The following MEGF9 variants were observed in gnomAD, a reference collection of about 807,000 sequenced individuals.
The protein encoded by MEGF9 is multiple EGF like domains 9.
A neutral mutation model predicts 46.8 loss-of-function variants in MEGF9; 6 were observed. The ratio of observed to expected loss-of-function variants is 0.13; its 90% CI spans 0.07 to 0.25. The LOEUF (loss-of-function observed/expected upper bound fraction) is 0.25. MEGF9 is among the 10% of genes least tolerant of loss of function. The pLI is 1.00. For missense variants in MEGF9, 683 were observed against 792.4 expected, an observed-to-expected ratio of 0.86 and a Z score of 1.66; for synonymous variants, 302 against 330.7, an observed-to-expected ratio of 0.91 and a Z score of 0.94.
At chr9:120,660,204 T>A (rs1446211942) in intron 1 of MEGF9, among the ~76,000 whole-genome samples, 2 of 152,150 alleles carry the variant, frequency 1.3e-5, no homozygotes, top group Non-Finnish European at 2.9e-5. Context: ...TTCTTTGTTG[T>A]TTGTTTGTTG....
At position 120,714,457 on chromosome 9, in the gene MEGF9, C is replaced by G. The variant is rs913807683; in HGVS notation, c.-99G>C. ...CCGCCACCGCCACCGGGCGCACCATCGCCACCTCCCTCTGACAGGCGGCCG... is the reference window on the plus strand; with the variant it reads ...CCGCCACCGCCACCGGGCGCACCATGGCCACCTCCCTCTGACAGGCGGCCG... On this transcript the variant is annotated 5_prime_UTR_variant, in exon 1 of 6. Transcript: ENST00000373930. The G allele has an allele frequency of 4.7e-5, 50 of 1,053,386 alleles. No individual in the cohort carries two copies. The highest frequency in any genetic ancestry group is 5.8e-5 in the Non-Finnish European group (48 of 830,534). 65.3% of individuals were successfully genotyped at this position (1,053,386 alleles called of 1,614,324 possible).
intron 2 of MEGF9, among the ~76,000 whole-genome samples, chr9:120,643,623 T>C (rs573144022): frequency 3.3e-5 from 5 of 152,304 alleles, no homozygotes; most frequent in Admixed American, 2.6e-4. Flanking sequence ...TTTGAAATAA[T>C]ATTAGATTTA....
At chr9:120,620,738 C>G (rs990890927) in intron 3 of MEGF9, among the ~76,000 whole-genome samples, 3 of 151,826 alleles carry the variant, frequency 2.0e-5, no homozygotes, top group Non-Finnish European at 4.4e-5. Flanking sequence ...AACCCTGGGA[C>G]CAGGGAACAT....
intron 1 of MEGF9, among the ~76,000 whole-genome samples, chr9:120,662,902 A>C (rs186262601): frequency 6.6e-6 from 1 of 152,366 alleles, no homozygotes; most frequent in Admixed American, 6.5e-5. Context: ...TAGGTAGAGA[A>C]TAAGACGATA....
At chr9:120,648,616 A>G (rs2043635555) in intron 2 of MEGF9, among the ~76,000 whole-genome samples, 1 of 152,192 alleles carries the variant, frequency 6.6e-6, no homozygotes, top group African/African-American at 2.4e-5. Flanking sequence ...ATCTTTTGAC[A>G]TATGGTTGGC....
At chr9:120,659,789 G>C (rs1279726726) in intron 1 of MEGF9, among the ~76,000 whole-genome samples, 1 of 32,796 alleles carries the variant, frequency 3.0e-5, no homozygotes, top group Non-Finnish European at 6.1e-5. Context: ...GTGTGTGACA[G>C]TGTGTGTGTG....
chr9:120,689,635 C>T (rs2043839437), intron 1 of MEGF9, among the ~76,000 whole-genome samples: 1 of 152,114 alleles, frequency 6.6e-6, no homozygotes, highest in African/African-American at 2.4e-5. Flanking sequence ...TTATCATTAC[C>T]TGTGCACCAG....
At chr9:120,693,294 AGAAGAAGAAG>A (rs780677542) in intron 1 of MEGF9, among the ~76,000 whole-genome samples, 1 of 89,622 alleles carries the variant, frequency 1.1e-5, no homozygotes, top group East Asian at 3.2e-4. Flanking sequence ...AAAAAAAAAA[AGAAGAAGAAG>A]AAGAAGAAGA....
At chr9:120,690,723 T>C (rs539774160) in intron 1 of MEGF9, among the ~76,000 whole-genome samples, 1 of 152,234 alleles carries the variant, frequency 6.6e-6, no homozygotes, top group South Asian at 2.1e-4. Context: ...GTTTTCATAG[T>C]TGCAACTGAC....
At chr9:120,700,613 T>C (rs1187785737) in intron 1 of MEGF9, among the ~76,000 whole-genome samples, 1 of 152,062 alleles carries the variant, frequency 6.6e-6, no homozygotes, top group Non-Finnish European at 1.5e-5. Flanking sequence ...ACAGGATAAA[T>C]ATATTGGAAT....
At chr9:120,692,305 A>G (rs940269182) in intron 1 of MEGF9, among the ~76,000 whole-genome samples, 1 of 152,226 alleles carries the variant, frequency 6.6e-6, no homozygotes, top group Admixed American at 6.5e-5. Context: ...ATCTAAGTCT[A>G]TGTGTTATAC....
intron 1 of MEGF9, among the ~76,000 whole-genome samples, chr9:120,677,962 T>G (rs2132331355): frequency 6.6e-6 from 1 of 152,328 alleles, no homozygotes; most frequent in Non-Finnish European, 1.5e-5. Context: ...TAAATATCTT[T>G]CTATTCTCTA....
intron 1 of MEGF9, among the ~76,000 whole-genome samples, chr9:120,663,421 G>T (rs987029414): frequency 2.6e-5 from 4 of 152,242 alleles, no homozygotes; most frequent in Non-Finnish European, 4.4e-5. Flanking sequence ...CTAGACATTT[G>T]TGCGGAACCA....
chr9:120,659,720 C>T (rs1420456400), intron 1 of MEGF9, 145 bp from the exon 2 acceptor site: 2 of 702,076 alleles, frequency 2.8e-6, no homozygotes, highest in South Asian at 4.0e-5. Flanking sequence ...AATTTACTTT[C>T]TATCCCGTTT....
At chr9:120,685,036 G>GT (rs2043816090) in intron 1 of MEGF9, among the ~76,000 whole-genome samples, 1 of 152,056 alleles carries the variant, frequency 6.6e-6, no homozygotes, top group Admixed American at 6.5e-5. Flanking sequence ...GGATTTCACC[G>GT]TGTTAGCCAG....
chr9:120,684,774 C>T (rs2043814276), intron 1 of MEGF9, among the ~76,000 whole-genome samples: 1 of 152,150 alleles, frequency 6.6e-6, no homozygotes, highest in Non-Finnish European at 1.5e-5. Flanking sequence ...CACTAAGATC[C>T]TCAAAAGAAA....
intron 1 of MEGF9, among the ~76,000 whole-genome samples, chr9:120,686,997 G>C (rs961084497): frequency 3.9e-5 from 6 of 151,994 alleles, no homozygotes; most frequent in African/African-American, 1.4e-4. Flanking sequence ...ATCAATTCCT[G>C]AGAAATGCTG....
At chr9:120,643,650 A>G (rs1245942662) in intron 2 of MEGF9, among the ~76,000 whole-genome samples, 21 of 152,108 alleles carry the variant, frequency 1.4e-4, no homozygotes, top group Non-Finnish European at 2.9e-5. Flanking sequence ...AGTTGCAAAG[A>G]TAGTACAGGA....
intron 2 of MEGF9, among the ~76,000 whole-genome samples, chr9:120,632,333 AGTG>A (rs1179499602): frequency 9.2e-6 from 1 of 108,798 alleles, no homozygotes; most frequent in African/African-American, 3.5e-5. Flanking sequence ...TTTATTCCTA[AGTG>A]TTTTTTTTTT....
Sources: gnomAD v4.1 joint callset for allele counts (sites outside exome capture counted in the v4.1 genomes callset) on GRCh38, gnomAD v4.1.1 for gene constraint, MANE v1.5 for transcripts, NCBI Gene and HGNC (gene_info 2026-07-23, HGNC 2026-07-21) for gene names.